PAQR8: variants seen among roughly 807,000 people sequenced by gnomAD.
The protein encoded by PAQR8 is progestin and adipoQ receptor family member 8.
A neutral mutation model predicts 25.2 loss-of-function variants in PAQR8; 17 were observed. The ratio of observed to expected loss-of-function variants is 0.67; its 90% CI spans 0.46 to 1.01. PAQR8 has a LOEUF of 1.01. Among genes scored for constraint, PAQR8 ranks in the 50% least tolerant of loss-of-function variants. The pLI, the probability that PAQR8 is intolerant of heterozygous loss-of-function variation, is 0.00. For synonymous variants in PAQR8, 204 were observed against 190.6 expected (o/e 1.07, Z -0.58); for missense variants, 392 against 448.4 (o/e 0.87, Z 1.14).
Position 52,381,963 on chromosome 6 carries a change from C to T in PAQR8, c.-53+19714C>T, listed in dbSNP as rs373268478. On this transcript the variant is annotated intron_variant, in intron 1 of 1. Transcript: ENST00000442253. ...TATATTATTGTCATAAGATATATAT[C>T]ATTAGATAATGATAGCAGTACTTGG... Among the ~76,000 whole-genome samples, 10 of 152,212 alleles carry T rather than the reference C, an allele frequency of 6.6e-5. No homozygotes were observed. In the South Asian group the frequency reaches 1.0e-3, roughly 16 times the overall value.
intron 1 of PAQR8, among the ~76,000 whole-genome samples, chr6:52,363,860 G>T (rs1161925518): frequency 7.1e-6 from 1 of 140,274 alleles, no homozygotes; most frequent in African/African-American, 2.7e-5. Context: ...TAAAAACAAA[G>T]GACCAAGGCA....
rs34782506 is a variant in PAQR8, at chr6:52,402,594, G to A, written c.-52-568G>A. ...ATGGTACCATTGCATTCCAGCCTGGGCAACAAGAGTGAAACTCTGTCTCAA... is the reference window on the plus strand; with the variant it reads ...ATGGTACCATTGCATTCCAGCCTGGACAACAAGAGTGAAACTCTGTCTCAA... On this transcript the variant is annotated intron_variant, in intron 1 of 1. Coordinates refer to ENST00000442253, the MANE Select transcript of PAQR8 (RefSeq NM_133367.5). 5.7e-4 allele frequency among the ~76,000 whole-genome samples: 81 copies of A among 142,166 alleles called. 1 individual carries two copies. The highest frequency in any genetic ancestry group is 2.1e-3 in the African/African-American group (77 of 36,102). 93.3% of individuals were successfully genotyped at this position (142,166 alleles called of 152,430 possible).
chr6:52,403,845 T>C lies in PAQR8; in HGVS notation c.632T>C (p.Ile211Thr). 1 of 1,614,212 alleles carries C rather than the reference T, an allele frequency of 6.2e-7. No individual in the cohort carries two copies. The highest frequency in any genetic ancestry group is 8.5e-7 in the Non-Finnish European group (1 of 1,180,036). The change falls in exon 2 of 2, where the codon ATC becomes ACC. Residue 211 changes from isoleucine to threonine, a missense_variant. Ile to Thr is a moderately conservative substitution (Grantham distance 89). Transcript: ENST00000442253. ...YRRPYPVMRK[I>T]CQVVPAGLAF... ...AGGCCTTATCCAGTCATGAGGAAGA[T>C]CTGTCAAGTGGTGCCAGCAGGTCTG...
At chr6:52,383,221 TCTACA>T (rs1285336388) in intron 1 of PAQR8, among the ~76,000 whole-genome samples, 9 of 152,272 alleles carry the variant, frequency 5.9e-5, no homozygotes, top group African/African-American at 1.9e-4. Context: ...TACGTTATTC[TCTACA>T]CTCTTCTACA....
rs1763308759 is a variant in PAQR8 at position 52,362,982 on chromosome 6, T to TGTCGGAGGTGGCTGGTGGGGC, written c.-53+734_-53+754dup. On this transcript the variant is annotated intron_variant, in intron 1 of 1. Coordinates refer to ENST00000442253, the MANE Select transcript of PAQR8 (RefSeq NM_133367.5). The surrounding 1 kb of genome is among the most constrained non-coding windows in gnomAD (Gnocchi z 4.1). ...GCTGGATGGGAACGCCGCGGTGGGG[T>TGTCGGAGGTGGCTGGTGGGGC]GTCGGAGGTGGCTGGTGGGGCTGGA... Among the ~76,000 whole-genome samples the TGTCGGAGGTGGCTGGTGGGGC allele has an allele frequency of 6.6e-6, 1 of 150,934 alleles. No individual in the cohort carries two copies. Among genetic ancestry groups the TGTCGGAGGTGGCTGGTGGGGC allele is most frequent in the African/African-American group, 2.4e-5 (1 of 40,974 alleles).
At position 52,404,465 on chromosome 6, in the gene PAQR8, C is replaced by T; in HGVS notation, c.*187C>T. The T allele has an allele frequency of 1.7e-6, 1 of 600,840 alleles. No homozygotes were observed. Among genetic ancestry groups the T allele is most frequent in the Non-Finnish European group, 2.9e-6 (1 of 345,394 alleles). The allele number at this position is 600,840 out of a possible 1,614,324, so 37.2% of individuals were successfully genotyped here. A position where few individuals can be genotyped will look rare whatever the true frequency, so the allele number is the denominator to read the frequency against. On this transcript the variant is annotated 3_prime_UTR_variant, in exon 2 of 2. Transcript: ENST00000442253. ...GTTGTTGTTAATAAAAGGAATACTC[C>T]TTTTCCTTTTGGATCATAGCTTAAC...
chr6:52,384,179 G>T lies in PAQR8; in HGVS notation c.-52-18983G>T, dbSNP rs769397998. Among the ~76,000 whole-genome samples, 3 of 152,204 alleles carry T rather than the reference G, an allele frequency of 2.0e-5. No individual in the cohort carries two copies. The East Asian group carries it at 5.8e-4, about 29-fold the overall frequency. On this transcript the variant is annotated intron_variant, in intron 1 of 1. Coordinates refer to ENST00000442253, the MANE Select transcript of PAQR8 (RefSeq NM_133367.5). ...GATTGGTTACATCAATAACAACTAT[G>T]TATATCAGGAGAAATTTGGTTTTAA...
chr6:52,396,944 G>C (rs1397240937), intron 1 of PAQR8, among the ~76,000 whole-genome samples: 2 of 152,180 alleles, frequency 1.3e-5, no homozygotes, highest in African/African-American at 4.8e-5. Context: ...GCGGATACAG[G>C]TGTAGCTGAA....
chr6:52,381,935 G>A (rs569559261), intron 1 of PAQR8, among the ~76,000 whole-genome samples: 1 of 152,264 alleles, frequency 6.6e-6, no homozygotes, highest in East Asian at 1.9e-4. Context: ...CAGCCATTAG[G>A]TGTATATTAT....
At chr6:52,376,789 A>G (rs1763490235) in intron 1 of PAQR8, among the ~76,000 whole-genome samples, 1 of 152,150 alleles carries the variant, frequency 6.6e-6, no homozygotes, top group Non-Finnish European at 1.5e-5. Context: ...GGCCCCCCAA[A>G]TCATCATTTG....
At chr6:52,371,484 C>T (rs1040782612) in intron 1 of PAQR8, among the ~76,000 whole-genome samples, 1 of 152,118 alleles carries the variant, frequency 6.6e-6, no homozygotes, top group African/African-American at 2.4e-5. Flanking sequence ...GGAGAGGACA[C>T]ACAGGTACTG....
intron 1 of PAQR8, among the ~76,000 whole-genome samples, chr6:52,396,873 A>C (rs2397086): frequency 0.14 from 21,320 of 152,124 alleles, 1,595 homozygotes; most frequent in Middle Eastern, 0.24. Context: ...ACATCTAGAG[A>C]AGTTGGATAT....
Position 52,403,527 on chromosome 6 carries a change from C to T in PAQR8, c.314C>T (p.Ala105Val). Residue 105 changes from alanine (A) to valine (V), a missense_variant, in exon 2 of 2, where the codon GCG (alanine) becomes GTG (valine). Ala to Val is a moderately conservative substitution (Grantham distance 64). Transcript: ENST00000442253. ...AFAEAEALPW[A>V]STHSLPLLLF... The stretch of plus-strand genomic sequence containing the variant: ...GCCGAGGCTGAGGCCTTGCCATGGG[C>T]GTCTACCCACTCCCTGCCTCTGCTC... The T allele has an allele frequency of 3.1e-6, 5 of 1,614,008 alleles. No individual in the cohort carries two copies. The highest frequency in any genetic ancestry group is 4.2e-6 in the Non-Finnish European group (5 of 1,180,048).
At chr6:52,380,187 C>T (rs1165343448) in intron 1 of PAQR8, among the ~76,000 whole-genome samples, 3 of 152,126 alleles carry the variant, frequency 2.0e-5, no homozygotes, top group Non-Finnish European at 4.4e-5. Context: ...AGTAGAAATG[C>T]GGTATTAAAT....
intron 1 of PAQR8, among the ~76,000 whole-genome samples, chr6:52,368,042 CA>C (rs753992982): frequency 1.3e-5 from 2 of 152,070 alleles, no homozygotes; most frequent in Non-Finnish European, 2.9e-5. Context: ...CCAGCCTGGG[CA>C]ACATGGCAAG....
chr6:52,378,081 C>G (rs1763506062), intron 1 of PAQR8, among the ~76,000 whole-genome samples: 1 of 152,274 alleles, frequency 6.6e-6, no homozygotes, highest in Middle Eastern at 3.4e-3. Context: ...CACCTGTTTC[C>G]TCATCTGTAC....
chr6:52,368,346 G>A (rs1763378220), intron 1 of PAQR8, among the ~76,000 whole-genome samples: 1 of 152,174 alleles, frequency 6.6e-6, no homozygotes, highest in African/African-American at 2.4e-5. Flanking sequence ...GGTTGTCCAA[G>A]AATATTGATG....
intron 1 of PAQR8, among the ~76,000 whole-genome samples, chr6:52,400,379 T>A (rs9357732): frequency 0.047 from 7,084 of 152,304 alleles, 216 homozygotes; most frequent in South Asian, 0.089. Context: ...GTTAAACACT[T>A]TACAGCCATT....
intron 1 of PAQR8, among the ~76,000 whole-genome samples, chr6:52,400,909 G>A (rs1763822672): frequency 6.6e-6 from 1 of 152,192 alleles, no homozygotes; most frequent in Non-Finnish European, 1.5e-5. Context: ...CCAGCTCATA[G>A]CAATAAAAAT....
Sources: gnomAD v4.1 joint callset for allele counts (sites outside exome capture counted in the v4.1 genomes callset) on GRCh38, gnomAD v4.1.1 for gene constraint, Gnocchi (gnomAD v3.1) non-coding constraint, MANE v1.5 for transcripts, NCBI Gene and HGNC (gene_info 2026-07-23, HGNC 2026-07-21) for gene names.